Variants in GPR158 observed in about 807,000 individuals in gnomAD.
GPR158 encodes metabotropic glycine receptor.
Under a neutral mutation model 78.2 loss-of-function variants are expected in GPR158, and 30 were observed. That is an observed-to-expected ratio of 0.38 (90% CI 0.29 to 0.52). The LOEUF is 0.52. Ranked by LOEUF, GPR158 falls within the 20% of genes least tolerant of loss-of-function variation. The probability of loss-of-function intolerance (pLI) is 0.83; values close to 1 mark genes in which losing one functional copy is unlikely to be tolerated. For missense variants in GPR158, 1,463 were observed against 1,523.5 expected (o/e 0.96, Z 0.66); for synonymous variants, 581 against 591.1 (o/e 0.98, Z 0.25).
At chr10:25,433,570 T>TGTGTGCGC (rs1554803626) in intron 4 of GPR158, among the ~76,000 whole-genome samples, 5 of 128,746 alleles carry the variant, frequency 3.9e-5, no homozygotes, top group East Asian at 4.2e-4. Flanking sequence ...TGTGTGTGTG[T>TGTGTGCGC]GCGCGCGCGC....
chr10:25,363,439 C>T (rs1855671670), intron 2 of GPR158, among the ~76,000 whole-genome samples: 1 of 151,946 alleles, frequency 6.6e-6, no homozygotes, highest in Admixed American at 6.6e-5. Context: ...GTTACTGACC[C>T]ATCCATGGCC....
intron 2 of GPR158, among the ~76,000 whole-genome samples, chr10:25,293,472 T>C (rs1156583771): frequency 1.3e-5 from 2 of 152,194 alleles, no homozygotes; most frequent in African/African-American, 4.8e-5. Flanking sequence ...GGCTATCAAA[T>C]ATTTGTCTCT....
At chr10:25,225,291 G>A (rs113808248) in intron 2 of GPR158, among the ~76,000 whole-genome samples, 1,768 of 151,620 alleles carry the variant, frequency 0.012, 40 homozygotes, top group African/African-American at 0.041. Context: ...GATTTTCTGG[G>A]TCACACAGCA....
chr10:25,375,683 T>C (rs1404964506), intron 2 of GPR158, among the ~76,000 whole-genome samples: 1 of 151,666 alleles, frequency 6.6e-6, no homozygotes, highest in Non-Finnish European at 1.5e-5. Context: ...TTTGCGCATC[T>C]GTCAAAAATT....
intron 5 of GPR158, among the ~76,000 whole-genome samples, chr10:25,506,211 G>A (rs749598969): frequency 3.3e-5 from 5 of 152,146 alleles, no homozygotes; most frequent in Non-Finnish European, 5.9e-5. Flanking sequence ...CCATCAAGGA[G>A]GAATTTCAGG....
Position 25,176,050 on chromosome 10 carries a change from AC to A in GPR158, c.634del (p.His212ThrfsTer93). ...ILLQDLSSSA[P>X]HLANATLETE... ...TGCTCCAAGACCTGTCCTCCTCCGC[AC>A]CCCACCTGGCCAACGCCACTCTGGA... On this transcript the variant is annotated frameshift_variant, in exon 1 of 11. Coordinates refer to ENST00000376351, the MANE Select transcript of GPR158 (RefSeq NM_020752.3). LOFTEE classifies it high-confidence loss of function. This position sits in a 1 kb window ranked among gnomAD's most constrained non-coding sequence, Gnocchi z 6.3. 1 of 1,607,562 alleles carries A rather than the reference AC, an allele frequency of 6.2e-7. No individual in the cohort carries two copies.
intron 2 of GPR158, among the ~76,000 whole-genome samples, chr10:25,312,969 G>C (rs1032985098): frequency 6.6e-6 from 1 of 151,964 alleles, no homozygotes; most frequent in Non-Finnish European, 1.5e-5. Flanking sequence ...TAGTATTATT[G>C]GAGGAAAAGT....
rs78609442 is a variant in GPR158 at position 25,521,948 on chromosome 10, G to C, written c.1405-29028G>C. On this transcript the variant is annotated intron_variant, in intron 5 of 10. Coordinates refer to ENST00000376351, the MANE Select transcript of GPR158 (RefSeq NM_020752.3). ...CAGAGTTGAGGCACTGTGGGTGAAA[G>C]GAGATAAGGGCCCAGAAACTCACTT... Among the ~76,000 whole-genome samples, 1,260 of 152,348 alleles carry C rather than the reference G, an allele frequency of 8.3e-3. 13 individuals are homozygous for C. Among genetic ancestry groups the C allele is most frequent in the African/African-American group, 0.029 (1,198 of 41,582 alleles).
intron 1 of GPR158, among the ~76,000 whole-genome samples, chr10:25,191,363 T>C (rs972271032): frequency 6.6e-6 from 1 of 152,106 alleles, no homozygotes; most frequent in Admixed American, 6.6e-5. Context: ...AGATGCTGAG[T>C]CATCAAATAA....
At chr10:25,495,356 G>A (rs1429863683) in intron 5 of GPR158, among the ~76,000 whole-genome samples, 3 of 139,446 alleles carry the variant, frequency 2.2e-5, no homozygotes, top group Non-Finnish European at 3.0e-5. Context: ...GGAGTGGCAC[G>A]ATCTTGGCTC....
At chr10:25,571,303 T>C (rs1837004797) in intron 6 of GPR158, among the ~76,000 whole-genome samples, 2 of 152,186 alleles carry the variant, frequency 1.3e-5, no homozygotes, top group East Asian at 1.9e-4. Context: ...TTAAATAACT[T>C]TTCCCTCTGT....
intron 5 of GPR158, among the ~76,000 whole-genome samples, chr10:25,511,129 CA>C (rs1183253793): frequency 6.6e-6 from 1 of 152,164 alleles, no homozygotes; most frequent in African/African-American, 2.4e-5. Flanking sequence ...ACGCTGTTTA[CA>C]ATAGTGGTTG....
intron 1 of GPR158, among the ~76,000 whole-genome samples, chr10:25,219,399 TG>T (rs1394929915): frequency 3.9e-5 from 6 of 152,240 alleles, no homozygotes; most frequent in African/African-American, 1.4e-4. Context: ...TTAGGTTACT[TG>T]GAAATCCATT....
intron 1 of GPR158, among the ~76,000 whole-genome samples, chr10:25,189,446 C>G (rs1306072479): frequency 6.6e-6 from 1 of 152,140 alleles, no homozygotes; most frequent in Non-Finnish European, 1.5e-5. Flanking sequence ...CCATGGAATA[C>G]TATGCAGCCA....
At chr10:25,384,877 C>T (rs1025576479) in intron 2 of GPR158, among the ~76,000 whole-genome samples, 15 of 152,092 alleles carry the variant, frequency 9.9e-5, no homozygotes, top group African/African-American at 3.6e-4. Flanking sequence ...ATACATCATG[C>T]CGATTGCAAT....
At chr10:25,543,179 G>A (rs980167495) in intron 5 of GPR158, among the ~76,000 whole-genome samples, 5 of 152,020 alleles carry the variant, frequency 3.3e-5, no homozygotes, top group Admixed American at 3.3e-4. Flanking sequence ...GGAGTGCAGT[G>A]GCGCAATCTC....
intron 5 of GPR158, among the ~76,000 whole-genome samples, chr10:25,478,213 G>A (rs960611725): frequency 1.1e-4 from 17 of 152,150 alleles, no homozygotes; most frequent in Non-Finnish European, 2.2e-4. Context: ...AAAAAATTGA[G>A]AGTTGGAATC....
chr10:25,374,030 ATAC>A (rs1834041416), intron 2 of GPR158, among the ~76,000 whole-genome samples: 1 of 151,710 alleles, frequency 6.6e-6, no homozygotes, highest in Non-Finnish European at 1.5e-5. Flanking sequence ...ATTAAATCCC[ATAC>A]TATAATTGTG....
rs142911099 is a variant in GPR158 at position 25,538,638 on chromosome 10, C to T, written c.1405-12338C>T. Among the ~76,000 whole-genome samples, 240 of 152,300 alleles carry T rather than the reference C, an allele frequency of 1.6e-3. 1 individual carries two copies. The highest frequency in any genetic ancestry group is 5.6e-3 in the African/African-American group (233 of 41,590). On this transcript the variant is annotated intron_variant, in intron 5 of 10. Transcript: ENST00000376351. ...TGATCTTCCTGCCCAGCTTCCCAAG[C>T]AGCTGGGACTGCAGGCATGTGTCAC...
Sources: gnomAD v4.1 joint callset for allele counts (sites outside exome capture counted in the v4.1 genomes callset) on GRCh38, gnomAD v4.1.1 for gene constraint, Gnocchi (gnomAD v3.1) non-coding constraint, MANE v1.5 for transcripts, NCBI Gene and HGNC (gene_info 2026-07-23, HGNC 2026-07-21) for gene names.